The following PCDH15 variants were observed in gnomAD, a reference collection of about 807,000 sequenced individuals.
PCDH15 encodes protocadherin-15.
In PCDH15, 129 loss-of-function variants were observed where a neutral mutation model predicts 178.5. The observed-to-expected ratio is 0.72, with a 90% CI of 0.63 to 0.84. The LOEUF is 0.84. PCDH15 is among the 40% of genes least tolerant of loss of function. The pLI, the probability that PCDH15 is intolerant of heterozygous loss-of-function variation, is 0.00. For synonymous variants in PCDH15, 800 were observed against 732.0 expected, an observed-to-expected ratio of 1.09 and a Z score of -1.50; for missense variants, 2,230 against 2,099.9, an observed-to-expected ratio of 1.06 and a Z score of -1.21.
chr10:54,575,781 G>A (rs2090410098), intron 2 of PCDH15, among the ~76,000 whole-genome samples: 1 of 152,140 alleles, frequency 6.6e-6, no homozygotes, highest in African/African-American at 2.4e-5. Context: ...TTGTAAATTA[G>A]TTCTCAGACA....
At chr10:54,036,687 C>T (rs762596035) in intron 18 of PCDH15, among the ~76,000 whole-genome samples, 2 of 151,906 alleles carry the variant, frequency 1.3e-5, no homozygotes, top group Non-Finnish European at 2.9e-5. Context: ...GTTTTCTTGC[C>T]TGTTAACACA....
chr10:54,841,462 C>G (rs1953415568), intron 3 of PCDH15, among the ~76,000 whole-genome samples: 1 of 151,396 alleles, frequency 6.6e-6, no homozygotes, highest in South Asian at 2.1e-4. Flanking sequence ...GAAAAGAATT[C>G]CAAATAAATA....
chr10:54,910,703 A>T (rs539805276), intron 2 of PCDH15, among the ~76,000 whole-genome samples: 4 of 152,320 alleles, frequency 2.6e-5, no homozygotes, highest in Admixed American at 1.3e-4. Context: ...TATCCTTTGT[A>T]TGCAGAATAA....
intron 2 of PCDH15, among the ~76,000 whole-genome samples, chr10:54,938,403 A>T (rs1236850724): frequency 6.6e-6 from 1 of 151,394 alleles, no homozygotes; most frequent in African/African-American, 2.4e-5. Flanking sequence ...ACTTACTCGT[A>T]ATATTTCGGT....
intron 1 of PCDH15, among the ~76,000 whole-genome samples, chr10:54,756,720 AAGAGAG>A (rs61202887): frequency 0.5 from 75,463 of 150,754 alleles, 19,337 homozygotes; most frequent in Middle Eastern, 0.67. Flanking sequence ...ATGTATGTGA[AAGAGAG>A]AGAGAGAGAG....
chr10:54,422,464 A>G (rs1400808462), intron 3 of PCDH15, among the ~76,000 whole-genome samples: 2 of 152,162 alleles, frequency 1.3e-5, no homozygotes, highest in African/African-American at 4.8e-5. Flanking sequence ...CACTTCACAC[A>G]TAGTAATGAT....
At chr10:54,853,358 C>G (rs200880697) in intron 3 of PCDH15, among the ~76,000 whole-genome samples, 10 of 115,336 alleles carry the variant, frequency 8.7e-5, no homozygotes, top group Non-Finnish European at 1.7e-4. Context: ...TATATATATA[C>G]ACACACACAT....
intron 2 of PCDH15, among the ~76,000 whole-genome samples, chr10:55,515,981 T>C (rs1206704029): frequency 6.6e-6 from 1 of 152,176 alleles, no homozygotes; most frequent in African/African-American, 2.4e-5. Context: ...TCCACACATA[T>C]TTATGTCCCT....
chr10:55,268,400 G>A (rs1842356140), intron 1 of PCDH15, among the ~76,000 whole-genome samples: 2 of 152,090 alleles, frequency 1.3e-5, no homozygotes, highest in African/African-American at 2.4e-5. Context: ...ACAGATTTAT[G>A]AGATAATATG....
chr10:54,856,249 G>A (rs371795239), intron 3 of PCDH15, among the ~76,000 whole-genome samples: 5 of 152,248 alleles, frequency 3.3e-5, no homozygotes, highest in South Asian at 2.1e-4. Flanking sequence ...TGACAAACAC[G>A]AAACAGAAAA....
chr10:54,444,796 T>C (rs1173920662), intron 3 of PCDH15, among the ~76,000 whole-genome samples: 1 of 151,692 alleles, frequency 6.6e-6, no homozygotes, highest in African/African-American at 2.4e-5. Context: ...GTGCCTGGCA[T>C]TTAATAGGAC....
chr10:54,338,173 GAA>G (rs1406603492), intron 6 of PCDH15, among the ~76,000 whole-genome samples: 1 of 152,142 alleles, frequency 6.6e-6, no homozygotes, highest in Non-Finnish European at 1.5e-5. Context: ...GCCTTGGTGT[GAA>G]AAGACTGAGG....
chr10:54,439,915 T>G (rs189396935), intron 3 of PCDH15, among the ~76,000 whole-genome samples: 4 of 152,100 alleles, frequency 2.6e-5, no homozygotes, highest in Admixed American at 2.6e-4. Context: ...TTGAGAGATT[T>G]AGTATATGAA....
chr10:53,960,956 T>C (rs1339591012), intron 22 of PCDH15, among the ~76,000 whole-genome samples: 2 of 152,228 alleles, frequency 1.3e-5, no homozygotes, highest in African/African-American at 4.8e-5. Context: ...ATTATTGTTT[T>C]AATACCTTGC....
intron 3 of PCDH15, among the ~76,000 whole-genome samples, chr10:54,856,564 G>C (rs921887954): frequency 6.6e-6 from 1 of 152,040 alleles, no homozygotes; most frequent in Non-Finnish European, 1.5e-5. Flanking sequence ...CTATTTTATA[G>C]CTTCCCTAAT....
intron 2 of PCDH15, among the ~76,000 whole-genome samples, chr10:55,127,004 C>T (rs1591923168): frequency 6.6e-6 from 1 of 152,008 alleles, no homozygotes; most frequent in Non-Finnish European, 1.5e-5. Flanking sequence ...TCAGGTGTCC[C>T]CCCACCCCAC....
rs117434699 is a variant in PCDH15 at position 53,863,643 on chromosome 10, A to G, written c.3717+2999T>C. On this transcript the variant is annotated intron_variant, in intron 27 of 37. Coordinates refer to ENST00000644397, the MANE Select transcript of PCDH15 (RefSeq NM_001384140.1). ...AAATGGATGGCAGCTAGAAGGTGATATAGATCAAGGGATGTTTTATAATTT... is the reference window on the plus strand; with the variant it reads ...AAATGGATGGCAGCTAGAAGGTGATGTAGATCAAGGGATGTTTTATAATTT... 1.1e-3 allele frequency among the ~76,000 whole-genome samples: 168 copies of G among 152,298 alleles called. 4 individuals are homozygous for G. The East Asian group carries it at 0.031, about 28-fold the overall frequency.
In PCDH15 at chr10:53,906,378, G is replaced by A. The variant is rs34157195; in HGVS notation, c.3374-3008C>T. ...ACCTTTCCAGAGCTTGGTTTACATT[G>A]CATTTAGTTATAAGCATGATTTTAT... On this transcript the variant is annotated intron_variant, in intron 25 of 37. Coordinates refer to ENST00000644397, the MANE Select transcript of PCDH15 (RefSeq NM_001384140.1). Among the ~76,000 whole-genome samples the A allele has an allele frequency of 2.1e-3, 322 of 151,886 alleles. 1 individual carries two copies. Among genetic ancestry groups the A allele is most frequent in the Admixed American group, 3.3e-3 (51 of 15,252 alleles).
intron 26 of PCDH15, among the ~76,000 whole-genome samples, chr10:53,873,846 G>C (rs1023628064): frequency 6.6e-6 from 1 of 152,082 alleles, no homozygotes; most frequent in Admixed American, 6.5e-5. Context: ...GAAACGGATT[G>C]GTTCCTTTTT....
Sources: gnomAD v4.1 joint callset for allele counts (sites outside exome capture counted in the v4.1 genomes callset) on GRCh38, gnomAD v4.1.1 for gene constraint, MANE v1.5 for transcripts, NCBI Gene and HGNC (gene_info 2026-07-23, HGNC 2026-07-21) for gene names.